The following BIRC2 variants were observed in gnomAD, a reference collection of about 807,000 sequenced individuals.
The protein encoded by BIRC2 is baculoviral IAP repeat containing 2, also known as baculoviral IAP repeat-containing protein 2.
A neutral mutation model predicts 60.9 loss-of-function variants in BIRC2; 18 were observed. The ratio of observed to expected loss-of-function variants is 0.30; its 90% CI spans 0.20 to 0.44. BIRC2 has a LOEUF of 0.44. Ranked by LOEUF, BIRC2 falls within the 20% of genes least tolerant of loss-of-function variation. The pLI is 1.00. For synonymous variants in BIRC2, 282 were observed against 247.7 expected (o/e 1.14, Z -1.30); for missense variants, 701 against 728.5 (o/e 0.96, Z 0.43).
Position 102,377,980 on chromosome 11 carries a change from T to C in BIRC2, c.1664-10T>C. 6.2e-7 allele frequency: 1 copy of C among 1,602,720 alleles called. No homozygotes were observed. The highest frequency in any genetic ancestry group is 8.5e-7 in the Non-Finnish European group (1 of 1,176,594). ...GAAACAATTTCACTAAAGTTATTTT[T>C]TGTTATTAGGTCTGTCACTGGAAGA... On this transcript the variant is annotated splice_polypyrimidine_tract_variant and intron_variant, in intron 8 of 8. Transcript: ENST00000227758.
chr11:102,375,355 A>G (rs945929945), intron 6 of BIRC2, among the ~76,000 whole-genome samples: 1 of 152,236 alleles, frequency 6.6e-6, no homozygotes, highest in African/African-American at 2.4e-5. Flanking sequence ...GTATTGGAGT[A>G]TTGCGTTGGA....
At chr11:102,369,434 G>A (rs1192474355) in intron 6 of BIRC2, among the ~76,000 whole-genome samples, 2 of 151,010 alleles carry the variant, frequency 1.3e-5, no homozygotes, top group African/African-American at 4.9e-5. Flanking sequence ...TCGTTCTTGC[G>A]ATAGTTTACT....
In BIRC2 at chr11:102,378,017, G is replaced by A. The variant is rs1162231048; in HGVS notation, c.1691G>A (p.Arg564Lys). 1.2e-6 allele frequency: 2 copies of A among 1,610,962 alleles called. No individual in the cohort carries two copies. Among genetic ancestry groups the A allele is most frequent in the Admixed American group, 3.4e-5 (2 of 59,442 alleles). Residue 564 changes from arginine (R) to lysine (K), a missense_variant, in exon 9 of 9, where the codon AGG (arginine) becomes AAG (lysine). Transcript: ENST00000227758. ...CTGTCACTGGAAGAACAATTGAGGA[G>A]GTTGCAAGAAGAACGAACTTGTAAA... ...SGLSLEEQLRRLQEERTCKVC... is the reference protein window; with the variant it reads ...SGLSLEEQLRKLQEERTCKVC...
At chr11:102,376,585 A>G (rs1194105638) in intron 6 of BIRC2, among the ~76,000 whole-genome samples, 1 of 152,210 alleles carries the variant, frequency 6.6e-6, no homozygotes, top group Non-Finnish European at 1.5e-5. Context: ...AATGATTCAG[A>G]TACCAAAAGA....
chr11:102,374,537 A>G (rs1439060265), intron 6 of BIRC2, among the ~76,000 whole-genome samples: 2 of 150,842 alleles, frequency 1.3e-5, no homozygotes, highest in Non-Finnish European at 3.0e-5. Flanking sequence ...TCAGATCTCC[A>G]GCTGCGTGCT....
intron 5 of BIRC2, among the ~76,000 whole-genome samples, chr11:102,364,863 A>G (rs547218570): frequency 7.7e-4 from 117 of 152,342 alleles, no homozygotes; most frequent in Non-Finnish European, 1.3e-3. Flanking sequence ...CCTAGAAAAG[A>G]TAGATAGCAG....
At chr11:102,377,943 T>C (rs1951733738) in intron 8 of BIRC2, 45 bp downstream of exon 8, 1 of 1,601,932 alleles carries the variant, frequency 6.2e-7, no homozygotes, top group Non-Finnish European at 8.5e-7. Flanking sequence ...ACCCTTTTTT[T>C]TTAATGAAGT....
intron 3 of BIRC2, among the ~76,000 whole-genome samples, chr11:102,362,099 G>A (rs1189800769): frequency 6.6e-6 from 1 of 152,056 alleles, no homozygotes; most frequent in Non-Finnish European, 1.5e-5. Flanking sequence ...TGTGGAATAT[G>A]TTTTTGGTCT....
chr11:102,374,523 G>A (rs1312162827), intron 6 of BIRC2, among the ~76,000 whole-genome samples: 22 of 150,992 alleles, frequency 1.5e-4, no homozygotes, highest in South Asian at 4.3e-4. Flanking sequence ...CAGTCTGCCG[G>A]TTCTCAGATC....
Position 102,377,912 on chromosome 11 carries a change from T to A in BIRC2, c.1663+14T>A. ...AAGATGTTTCAGGTAAAACAAAGAT[T>A]TAAAACCAACATGAACTATTACCCT... is the stretch of plus-strand genomic sequence containing the variant. On this transcript the variant is annotated intron_variant, in intron 8 of 8. Coordinates refer to ENST00000227758, the MANE Select transcript of BIRC2 (RefSeq NM_001166.5). 6.2e-7 allele frequency: 1 copy of A among 1,610,022 alleles called. No individual in the cohort carries two copies. Among genetic ancestry groups the A allele is most frequent in the Non-Finnish European group, 8.5e-7 (1 of 1,178,800 alleles).
chr11:102,370,088 G>A (rs1951610548), intron 6 of BIRC2, among the ~76,000 whole-genome samples: 1 of 151,356 alleles, frequency 6.6e-6, no homozygotes, highest in Admixed American at 6.6e-5. Flanking sequence ...TGAGTAGGTT[G>A]CGAAAATTTT....
Position 102,361,980 on chromosome 11 carries a change from A to G in BIRC2, c.996-916A>G, listed in dbSNP as rs111832432. The stretch of plus-strand genomic sequence containing the variant: ...TGTCTCCTAGTCTGCTGTCTTGCTG[A>G]TGTCACTCTTGCAAACTTTCAGTCT... On this transcript the variant is annotated intron_variant, in intron 3 of 8. Transcript: ENST00000227758. Among the ~76,000 whole-genome samples the G allele has an allele frequency of 5.6e-4, 85 of 151,292 alleles. 1 individual carries two copies. Among genetic ancestry groups the G allele is most frequent in the African/African-American group, 2.0e-3 (83 of 41,196 alleles).
chr11:102,364,023 C>G (rs1951515847), intron 5 of BIRC2, among the ~76,000 whole-genome samples: 2 of 150,806 alleles, frequency 1.3e-5, no homozygotes, highest in Non-Finnish European at 3.0e-5. Flanking sequence ...GCACTCCATC[C>G]TGGGCAACAG....
intron 3 of BIRC2, among the ~76,000 whole-genome samples, chr11:102,351,660 C>CATTTTAATT (rs1259703014): frequency 6.6e-6 from 1 of 150,662 alleles, no homozygotes; most frequent in Non-Finnish European, 1.5e-5. Flanking sequence ...TCTGACTGCC[C>CATTTTAATT]ATTTTAATTG....
At chr11:102,364,212 G>GAA (rs1396930586) in intron 5 of BIRC2, among the ~76,000 whole-genome samples, 6 of 141,054 alleles carry the variant, frequency 4.3e-5, no homozygotes, top group African/African-American at 1.4e-4. Flanking sequence ...GAGAGAGAGA[G>GAA]AGAGTGTAAT....
At chr11:102,368,877 G>A (rs1951585419) in intron 6 of BIRC2, among the ~76,000 whole-genome samples, 1 of 150,304 alleles carries the variant, frequency 6.7e-6, no homozygotes, top group Non-Finnish European at 1.5e-5. Context: ...AAAGCAAGAT[G>A]TTAAAGTTGG....
intron 3 of BIRC2, among the ~76,000 whole-genome samples, chr11:102,359,346 A>C (rs990336811): frequency 6.6e-6 from 1 of 152,124 alleles, no homozygotes; most frequent in African/African-American, 2.4e-5. Flanking sequence ...CTTTTTTTTA[A>C]AAACCTGTAT....
chr11:102,372,761 G>A (rs1326147904), intron 6 of BIRC2, among the ~76,000 whole-genome samples: 1 of 127,674 alleles, frequency 7.8e-6, no homozygotes, highest in African/African-American at 3.1e-5. Context: ...AATGTTGACA[G>A]TGGGGTGTTA....
intron 6 of BIRC2, among the ~76,000 whole-genome samples, chr11:102,377,220 G>T (rs1384269993): frequency 6.6e-6 from 1 of 152,102 alleles, no homozygotes; most frequent in African/African-American, 2.4e-5. Flanking sequence ...ATATATGGTG[G>T]GGGGAAATTT....
Sources: gnomAD v4.1 joint callset for allele counts (sites outside exome capture counted in the v4.1 genomes callset) on GRCh38, gnomAD v4.1.1 for gene constraint, MANE v1.5 for transcripts, NCBI Gene and HGNC (gene_info 2026-07-23, HGNC 2026-07-21) for gene names.